SCML2: variants seen among roughly 807,000 people sequenced by gnomAD.
SCML2 encodes sex comb on midleg-like protein 2.
A neutral mutation model predicts 48.4 loss-of-function variants in SCML2; 6 were observed. That is an observed-to-expected ratio of 0.12 (90% CI 0.07 to 0.24). The LOEUF (loss-of-function observed/expected upper bound fraction) is 0.24, where lower values mean the gene tolerates loss of function less well. Ranked by LOEUF, SCML2 falls within the 10% of genes least tolerant of loss-of-function variation. The pLI is 1.00. For synonymous variants in SCML2, 181 were observed against 189.5 expected, an observed-to-expected ratio of 0.95 and a Z score of 0.37; for missense variants, 377 against 528.2, an observed-to-expected ratio of 0.71 and a Z score of 2.81.
At chrX:18,269,803 T>C (rs1189462485) in intron 7 of SCML2, among the ~76,000 whole-genome samples, 1 of 111,288 alleles carries the variant, frequency 9.0e-6, no homozygotes, top group Non-Finnish European at 1.9e-5. Flanking sequence ...AACTAGTATA[T>C]TCTATATAAA....
intron 3 of SCML2, 80 bp from the exon 4 acceptor site, chrX:18,325,057 A>C: frequency 1.5e-6 from 1 of 654,233 alleles, no homozygotes; most frequent in Non-Finnish European, 2.3e-6. Context: ...TCAGGATTAA[A>C]ATGGGTTTTA....
At chrX:18,241,465 T>G in intron 14 of SCML2, 86 bp from the exon 15 acceptor site, 6 of 623,320 alleles carry the variant, frequency 9.6e-6, no homozygotes, top group Non-Finnish European at 9.1e-6. Flanking sequence ...ACAGCAGCTG[T>G]ATACTCCGGA....
chrX:18,320,170 A>G (rs890915957), intron 6 of SCML2, among the ~76,000 whole-genome samples, 162 bp downstream of exon 6: 1 of 112,332 alleles, frequency 8.9e-6, no homozygotes, highest in Non-Finnish European at 1.9e-5. Flanking sequence ...TAAGCCACCC[A>G]GTCTGTGGTA....
chrX:18,331,259 CAAAA>C (rs35589774), intron 2 of SCML2, among the ~76,000 whole-genome samples: 1 of 16,269 alleles, frequency 6.1e-5, no homozygotes, highest in Admixed American at 1.8e-3. Context: ...GACTCCGTCT[CAAAA>C]AAAAAAAAAA....
At chrX:18,301,667 C>T (rs771968754) in intron 7 of SCML2, among the ~76,000 whole-genome samples, 12 of 110,319 alleles carry the variant, frequency 1.1e-4, no homozygotes, top group Non-Finnish European at 1.7e-4. Context: ...CAGCTACTGG[C>T]GAGGCTGAGG....
At chrX:18,352,228 T>C (rs1317124173) in intron 1 of SCML2, among the ~76,000 whole-genome samples, 1 of 112,478 alleles carries the variant, frequency 8.9e-6, no homozygotes, top group Non-Finnish European at 1.9e-5. Context: ...TAAAACTTAA[T>C]TACAGCTTAA....
intron 7 of SCML2, among the ~76,000 whole-genome samples, chrX:18,273,747 T>C (rs1169329781): frequency 9.0e-6 from 1 of 111,446 alleles, no homozygotes; most frequent in Non-Finnish European, 1.9e-5. Flanking sequence ...TGCTCAAATG[T>C]TGCCTTTTCC....
At chrX:18,313,773 C>T (rs1275222306) in intron 6 of SCML2, among the ~76,000 whole-genome samples, 1 of 112,126 alleles carries the variant, frequency 8.9e-6, no homozygotes, top group Non-Finnish European at 1.9e-5. Flanking sequence ...CTGACTTTAT[C>T]CCCAACCAGT....
chrX:18,260,079 T>C (rs5909435), intron 9 of SCML2, 92 bp downstream of exon 9: 137,017 of 589,388 alleles, frequency 0.23, 12,807 homozygotes, highest in African/African-American at 0.45. Context: ...TCTTTTTCCC[T>C]TATTATTTTA....
chrX:18,354,007 G>A (rs1284496357), intron 1 of SCML2, among the ~76,000 whole-genome samples: 2 of 112,269 alleles, frequency 1.8e-5, no homozygotes, highest in African/African-American at 6.5e-5. Context: ...GACGGGACGC[G>A]CATTCCGGTC....
Position 18,242,424 on chromosome X carries a change from C to A in SCML2, c.1974+15G>T, listed in dbSNP as rs1446480679. The A allele has an allele frequency of 8.5e-7, 1 of 1,174,881 alleles. No homozygotes were observed. The highest frequency in any genetic ancestry group is 2.7e-5 in the Admixed American group (1 of 37,676). On this transcript the variant is annotated intron_variant, in intron 14 of 14. Coordinates refer to ENST00000251900, the MANE Select transcript of SCML2 (RefSeq NM_006089.3). ...AGGCATTACGGCAGGAAAACCGGAT[C>A]AAAAGATACATTACATGTTGCCTGA...
At chrX:18,251,455 CAATG>C (rs1475912039) in intron 11 of SCML2, among the ~76,000 whole-genome samples, 5 of 108,877 alleles carry the variant, frequency 4.6e-5, no homozygotes, top group African/African-American at 1.7e-4. Flanking sequence ...AATAAAAAGA[CAATG>C]AAACCAATTA....
rs1260901612 is a variant in SCML2 at position 18,256,887 on chromosome X, G to A, written c.1417C>T (p.His473Tyr). 2 of 1,204,570 alleles carry A rather than the reference G, an allele frequency of 1.7e-6. No individual in the cohort carries two copies. The highest frequency in any genetic ancestry group is 2.2e-6 in the Non-Finnish European group (2 of 892,767). Residue 473 changes from histidine to tyrosine, a missense_variant, in exon 11 of 15, where the codon CAT (histidine) becomes TAT (tyrosine). His to Tyr is a moderately conservative substitution (Grantham distance 83). This residue lies in a region of SCML2 where 299 missense variants were observed against 425.5 expected (regional missense o/e 0.70). Coordinates refer to ENST00000251900, the MANE Select transcript of SCML2 (RefSeq NM_006089.3). ...SSQPFSSSRG[H>Y]THSSAEHDKN... is the part of the protein sequence containing the mutation. ...TCATGCTCTGCAGAGCTGTGAGTAT[G>A]ACCCCTGGAAGAACTAAAAGGCTGG... is the stretch of plus-strand genomic sequence containing the variant.
chrX:18,343,592 C>G (rs1307097840), intron 1 of SCML2, among the ~76,000 whole-genome samples: 1 of 108,703 alleles, frequency 9.2e-6, no homozygotes, highest in Non-Finnish European at 1.9e-5. Flanking sequence ...AACCCCGTCT[C>G]TACTAAAAAA....
intron 13 of SCML2, among the ~76,000 whole-genome samples, chrX:18,242,803 G>A (rs1387801811): frequency 9.0e-6 from 1 of 111,454 alleles, no homozygotes; most frequent in Non-Finnish European, 1.9e-5. Context: ...AACAACAAAA[G>A]CAGGTTCAGA....
At chrX:18,255,598 G>A (rs976377835) in intron 11 of SCML2, among the ~76,000 whole-genome samples, 4 of 112,235 alleles carry the variant, frequency 3.6e-5, no homozygotes, top group Non-Finnish European at 7.5e-5. Context: ...CTAAACCAGA[G>A]AAGGGGTTAG....
intron 5 of SCML2, among the ~76,000 whole-genome samples, chrX:18,321,644 A>C (rs1929327410): frequency 9.3e-6 from 1 of 106,960 alleles, no homozygotes; most frequent in Non-Finnish European, 1.9e-5. Context: ...GATTTGTTAC[A>C]TACTCCCTTA....
chrX:18,343,452 T>G (rs1930085978), intron 1 of SCML2, among the ~76,000 whole-genome samples: 1 of 110,460 alleles, frequency 9.1e-6, no homozygotes, highest in Admixed American at 9.7e-5. Flanking sequence ...AATTTCAACC[T>G]GAGAGAACAT....
At chrX:18,267,998 T>C (rs1927315500) in intron 7 of SCML2, among the ~76,000 whole-genome samples, 1 of 112,548 alleles carries the variant, frequency 8.9e-6, no homozygotes, top group Non-Finnish European at 1.9e-5. Flanking sequence ...CCTCAGGCTA[T>C]TGTTTGCCAA....
Sources: allele counts gnomAD v4.1 joint callset (sites outside exome capture counted in the v4.1 genomes callset), GRCh38; gene constraint gnomAD v4.1.1; regional missense constraint gnomAD v4.1.1; transcripts MANE v1.5; gene names NCBI Gene and HGNC (gene_info 2026-07-23, HGNC 2026-07-21).